Variants in TARS2 observed in about 807,000 individuals in gnomAD.
TARS2 encodes the protein threonyl-tRNA synthetase 2, mitochondrial.
A neutral mutation model predicts 94.4 loss-of-function variants in TARS2; 61 were observed. That is an observed-to-expected ratio of 0.65 (90% CI 0.53 to 0.80). The LOEUF is 0.80. Among genes scored for constraint, TARS2 ranks in the 30% least tolerant of loss-of-function variants. The probability of loss-of-function intolerance (pLI) is 0.00; values close to 1 mark genes in which losing one functional copy is unlikely to be tolerated. For missense variants in TARS2, 704 were observed against 902.5 expected (o/e 0.78, Z 2.82); for synonymous variants, 359 against 353.4 (o/e 1.02, Z -0.18).
chr1:150,507,317 C>A lies in TARS2; in HGVS notation c.*253C>A. 2.5e-6 allele frequency: 1 copy of A among 401,432 alleles called. No homozygotes were observed. Among genetic ancestry groups the A allele is most frequent in the Non-Finnish European group, 4.5e-6 (1 of 223,762 alleles). The allele number at this position is 401,432 out of a possible 1,614,324, so 24.9% of individuals were successfully genotyped here. On this transcript the variant is annotated 3_prime_UTR_variant, in exon 18 of 18. Transcript: ENST00000369064. ...AGGCGCAGTGGCTCATGCCTGTAAT[C>A]CCAGCACTCTGGGAGGCTGAGGCGG...
At chr1:150,494,864 C>T (rs768484572) in intron 7 of TARS2, among the ~76,000 whole-genome samples, 4 of 150,662 alleles carry the variant, frequency 2.7e-5, no homozygotes, top group Non-Finnish European at 5.9e-5. Flanking sequence ...CGTGAAACCC[C>T]GTCTCTACTA....
At chr1:150,496,339 G>A (rs1669661471) in intron 7 of TARS2, 143 bp from the exon 8 acceptor site, 1 of 928,346 alleles carries the variant, frequency 1.1e-6, no homozygotes, top group Non-Finnish European at 1.6e-6. Flanking sequence ...GTGTCTAGAG[G>A]ATGGAGGTGT....
At chr1:150,499,816 C>T (rs891599672) in intron 13 of TARS2, among the ~76,000 whole-genome samples, 6 of 152,006 alleles carry the variant, frequency 3.9e-5, no homozygotes, top group Non-Finnish European at 7.4e-5. Flanking sequence ...CAAGAGAGCA[C>T]GTTAGCTGGG....
intron 13 of TARS2, among the ~76,000 whole-genome samples, chr1:150,503,611 A>ATATATATGTGTGTG (rs1329507486): frequency 3.6e-5 from 3 of 83,696 alleles, no homozygotes; most frequent in Non-Finnish European, 5.2e-5. Flanking sequence ...GTATGTGTGT[A>ATATATATGTGTGTG]TATATATGTG....
intron 13 of TARS2, 83 bp from the exon 14 acceptor site, chr1:150,504,252 G>T: frequency 7.4e-7 from 1 of 1,353,800 alleles, no homozygotes; most frequent in Non-Finnish European, 1.0e-6. Context: ...AGGTTAAAGG[G>T]TGGGATGGCA....
chr1:150,491,266 GT>G (rs1669369648), intron 4 of TARS2, 127 bp from the exon 5 acceptor site: 1 of 830,312 alleles, frequency 1.2e-6, no homozygotes, highest in Admixed American at 2.2e-5. Context: ...CTCTGAGTTT[GT>G]CTGTCTTTGC....
chr1:150,490,820 G>A (rs1669349026), intron 4 of TARS2, 95 bp downstream of exon 4: 3 of 1,553,276 alleles, frequency 1.9e-6, no homozygotes, highest in Non-Finnish European at 2.6e-6. Flanking sequence ...TGAGGAAGCT[G>A]GAGGAGAAGG....
In TARS2 at chr1:150,489,014, A is replaced by G; in HGVS notation, c.314A>G (p.Tyr105Cys). 1.2e-6 allele frequency: 2 copies of G among 1,614,172 alleles called. No individual in the cohort carries two copies. Among genetic ancestry groups the G allele is most frequent in the Non-Finnish European group, 1.7e-6 (2 of 1,180,012 alleles). ...AVAAQVNGEPYDLERPLETDS... is the reference protein window; with the variant it reads ...AVAAQVNGEPCDLERPLETDS... Reference sequence around the variant, plus strand: ...GCTGCTCAAGTGAATGGAGAACCTTATGATCTGGAGCGGCCCTTGGAGACA... The same window carrying G: ...GCTGCTCAAGTGAATGGAGAACCTTGTGATCTGGAGCGGCCCTTGGAGACA... Residue 105 changes from tyrosine to cysteine, a missense_variant, in exon 3 of 18, where the codon TAT becomes TGT. Physicochemically the swap from Tyr to Cys is radical, Grantham distance 194. Around this residue, in one of 3 missense-constraint regions of TARS2, gnomAD observed 208 missense variants for 228.5 expected, o/e 0.91. Transcript: ENST00000369064.
At chr1:150,493,905 C>T (rs1464068490) in intron 7 of TARS2, among the ~76,000 whole-genome samples, 1 of 152,152 alleles carries the variant, frequency 6.6e-6, no homozygotes, top group African/African-American at 2.4e-5. Context: ...GCCTATAATC[C>T]CAGCACTTTG....
chr1:150,491,404 G>A lies in TARS2; in HGVS notation c.523G>A (p.Gly175Ser). The change falls in exon 5 of 18, where the codon GGC becomes AGC. Residue 175 changes from glycine (G) to serine (S), a missense_variant. Transcript: ENST00000369064. ...TTCTCCTCTTTCCAGGACAATCCGG[G>A]GCTCAGAGCTGCCTGTTTTGGAGCG... ...FFLGKERTIR[G>S]SELPVLERIC... The A allele has an allele frequency of 6.2e-7, 1 of 1,612,832 alleles. No individual in the cohort carries two copies. The highest frequency in any genetic ancestry group is 8.5e-7 in the Non-Finnish European group (1 of 1,180,042).
intron 11 of TARS2, 100 bp downstream of exon 11, chr1:150,498,764 A>G: frequency 3.1e-6 from 5 of 1,606,656 alleles, no homozygotes; most frequent in South Asian, 1.1e-5. Flanking sequence ...TGTATGTACT[A>G]TAATTCAGCT....
intron 13 of TARS2, among the ~76,000 whole-genome samples, chr1:150,503,701 G>GTA (rs1318587153): frequency 2.7e-4 from 39 of 143,004 alleles, no homozygotes; most frequent in East Asian, 1.4e-3. Flanking sequence ...ATATGTGTGT[G>GTA]TATATATACA....
chr1:150,496,030 G>A (rs2102489421), intron 7 of TARS2, among the ~76,000 whole-genome samples: 1 of 152,252 alleles, frequency 6.6e-6, no homozygotes, highest in East Asian at 1.9e-4. Flanking sequence ...CATTAGTACT[G>A]TTAAAGGAGA....
intron 1 of TARS2, 113 bp from the exon 2 acceptor site, chr1:150,487,744 TA>T: frequency 7.0e-7 from 1 of 1,438,176 alleles, no homozygotes; most frequent in Non-Finnish European, 9.5e-7. Flanking sequence ...CCAATCCCCT[TA>T]AAAAGTAGGA....
chr1:150,492,943 C>T (rs1010040159), intron 7 of TARS2, among the ~76,000 whole-genome samples: 6 of 150,396 alleles, frequency 4.0e-5, no homozygotes, highest in African/African-American at 7.3e-5. Flanking sequence ...AGTGCAGTGG[C>T]GCGATCTTGG....
At chr1:150,494,406 A>G (rs976545458) in intron 7 of TARS2, among the ~76,000 whole-genome samples, 1 of 151,348 alleles carries the variant, frequency 6.6e-6, no homozygotes, top group Non-Finnish European at 1.5e-5. Flanking sequence ...ATGAAAACCA[A>G]CTAATTCAGG....
In TARS2 at chr1:150,498,548, C is replaced by G; in HGVS notation, c.1285C>G (p.Arg429Gly). The G allele has an allele frequency of 1.2e-6, 2 of 1,602,336 alleles. No homozygotes were observed. Among genetic ancestry groups the G allele is most frequent in the Non-Finnish European group, 1.7e-6 (2 of 1,176,236 alleles). ...CAGATCCTGGCGGGAACTGCCCCTG[C>G]GACTAGCTGACTTTGGGGCTCTACA... Reference protein sequence around the residue: ...RPRSWRELPLRLADFGALHRA... With the variant: ...RPRSWRELPLGLADFGALHRA... The change falls in exon 11 of 18, where the codon CGA (arginine) becomes GGA (glycine). Residue 429 changes from arginine to glycine, a missense_variant. Physicochemically the swap from Arg to Gly is moderately radical, Grantham distance 125 (BLOSUM62 -2). Around this residue, in one of 3 missense-constraint regions of TARS2, gnomAD observed 466 missense variants for 609.5 expected, o/e 0.76. Transcript: ENST00000369064.
intron 17 of TARS2, 48 bp downstream of exon 17, chr1:150,505,753 C>T: frequency 6.4e-7 from 1 of 1,559,914 alleles, no homozygotes; most frequent in Non-Finnish European, 8.8e-7. Context: ...CGTCTGCATT[C>T]TTGCTGTTAA....
chr1:150,505,341 A>G (rs1488571865), intron 16 of TARS2, among the ~76,000 whole-genome samples: 1 of 152,164 alleles, frequency 6.6e-6, no homozygotes, highest in Non-Finnish European at 1.5e-5. Context: ...CAGTGGCTAG[A>G]AGGCAAAGTC....
Sources: gnomAD v4.1 joint callset for allele counts (sites outside exome capture counted in the v4.1 genomes callset) on GRCh38, gnomAD v4.1.1 for gene constraint, gnomAD v4.1.1 regional missense constraint, MANE v1.5 for transcripts, NCBI Gene and HGNC (gene_info 2026-07-23, HGNC 2026-07-21) for gene names.